The following CDH8 variants were observed in gnomAD, a reference collection of about 807,000 sequenced individuals.
CDH8 encodes the protein cadherin-8.
In CDH8, 17 loss-of-function variants were observed where a neutral mutation model predicts 68.1. That is an observed-to-expected ratio of 0.25 (90% CI 0.17 to 0.37). The LOEUF is 0.37. Among genes scored for constraint, CDH8 ranks in the 10% least tolerant of loss-of-function variants. The pLI is 1.00. For missense variants in CDH8, 763 were observed against 999.3 expected (o/e 0.76, Z 3.19); for synonymous variants, 372 against 365.1 (o/e 1.02, Z -0.21).
intron 2 of CDH8, among the ~76,000 whole-genome samples, chr16:61,912,321 T>C (rs1196995960): frequency 2.0e-5 from 3 of 152,154 alleles, no homozygotes; most frequent in African/African-American, 7.2e-5. Context: ...TCAAAATGCT[T>C]GATTTTAACT....
chr16:61,841,694 T>G (rs1962687100), intron 4 of CDH8, among the ~76,000 whole-genome samples: 1 of 152,154 alleles, frequency 6.6e-6, no homozygotes, highest in Admixed American at 6.5e-5. Flanking sequence ...ACTCAAAGGA[T>G]AAATGCTTGA....
At chr16:61,835,542 T>A (rs1962551768) in intron 4 of CDH8, among the ~76,000 whole-genome samples, 1 of 151,938 alleles carries the variant, frequency 6.6e-6, no homozygotes, top group South Asian at 2.1e-4. Context: ...AGTACCAACA[T>A]ATGGCTAGCC....
intron 7 of CDH8, among the ~76,000 whole-genome samples, chr16:61,793,873 G>T (rs1210472049): frequency 6.6e-6 from 1 of 151,958 alleles, no homozygotes; most frequent in African/African-American, 2.4e-5. Flanking sequence ...CCCACTAACA[G>T]AAGAAATTAA....
chr16:61,712,701 G>A (rs1225950212), intron 10 of CDH8, among the ~76,000 whole-genome samples: 4 of 151,524 alleles, frequency 2.6e-5, no homozygotes, highest in Non-Finnish European at 4.4e-5. Context: ...AAAGGGTTTT[G>A]TCTCCTCAGT....
chr16:61,658,320 A>G (rs1963491714), intron 10 of CDH8, among the ~76,000 whole-genome samples: 1 of 151,946 alleles, frequency 6.6e-6, no homozygotes, highest in African/African-American at 2.4e-5. Flanking sequence ...ATGCCTTTTC[A>G]TTTCATTTAA....
At chr16:61,682,784 T>A (rs1254560973) in intron 10 of CDH8, among the ~76,000 whole-genome samples, 1 of 151,978 alleles carries the variant, frequency 6.6e-6, no homozygotes, top group Non-Finnish European at 1.5e-5. Context: ...CAATTGCCCC[T>A]CCGTGTGCAG....
chr16:61,866,936 C>T (rs1288287932), intron 3 of CDH8, among the ~76,000 whole-genome samples: 2 of 152,028 alleles, frequency 1.3e-5, no homozygotes, highest in African/African-American at 4.8e-5. Flanking sequence ...AGTGGCTGTT[C>T]GTTTTTTTTG....
At chr16:61,882,848 C>A (rs879494005) in intron 3 of CDH8, among the ~76,000 whole-genome samples, 2 of 152,134 alleles carry the variant, frequency 1.3e-5, no homozygotes, top group African/African-American at 2.4e-5. Context: ...TGTAACAAAC[C>A]TGCACATCTT....
chr16:61,722,489 A>G (rs958260084), intron 9 of CDH8, among the ~76,000 whole-genome samples: 1 of 150,834 alleles, frequency 6.6e-6, no homozygotes, highest in African/African-American at 2.4e-5. Context: ...ACCCTTTCAC[A>G]TTGTTTCTTC....
chr16:61,909,955 C>T (rs990027509), intron 2 of CDH8, among the ~76,000 whole-genome samples: 6 of 152,148 alleles, frequency 3.9e-5, no homozygotes, highest in African/African-American at 1.4e-4. Flanking sequence ...GTCTGGACCG[C>T]AGTTTTACGG....
At chr16:61,846,367 T>G (rs544563815) in intron 4 of CDH8, among the ~76,000 whole-genome samples, 142 of 152,244 alleles carry the variant, frequency 9.3e-4, no homozygotes, top group Non-Finnish European at 1.6e-3. Context: ...TTCTTTAACC[T>G]CCATCAAGTC....
intron 6 of CDH8, 75 bp from the exon 7 acceptor site, chr16:61,817,807 T>C (rs376433922): frequency 1.4e-6 from 2 of 1,426,356 alleles, no homozygotes; most frequent in South Asian, 1.4e-5. Context: ...ATAATGCTGA[T>C]GGATGAAAGT....
intron 3 of CDH8, among the ~76,000 whole-genome samples, chr16:61,873,408 A>G (rs1003007289): frequency 6.6e-6 from 1 of 152,198 alleles, no homozygotes; most frequent in Non-Finnish European, 1.5e-5. Context: ...CTGGTTCAAC[A>G]TAAGGATTCC....
chr16:61,744,778 T>G (rs1959971581), intron 8 of CDH8, among the ~76,000 whole-genome samples: 1 of 150,386 alleles, frequency 6.6e-6, no homozygotes, highest in Non-Finnish European at 1.5e-5. Flanking sequence ...ATATCTTAAA[T>G]AATGTATCAA....
intron 2 of CDH8, among the ~76,000 whole-genome samples, chr16:61,969,404 T>G (rs1567550361): frequency 6.6e-6 from 1 of 152,216 alleles, no homozygotes; most frequent in Non-Finnish European, 1.5e-5. Flanking sequence ...TCTTGAATAG[T>G]GCTTACATTT....
At chr16:61,927,623 CTG>C (rs1296058759) in intron 2 of CDH8, among the ~76,000 whole-genome samples, 1 of 152,132 alleles carries the variant, frequency 6.6e-6, no homozygotes, top group Non-Finnish European at 1.5e-5. Context: ...ACTAGGCTTT[CTG>C]TGTTATTCAA....
At chr16:61,741,621 T>C (rs1959873983) in intron 8 of CDH8, among the ~76,000 whole-genome samples, 1 of 152,152 alleles carries the variant, frequency 6.6e-6, no homozygotes, top group Admixed American at 6.5e-5. Flanking sequence ...TCCACATTAT[T>C]GCTATTTCCC....
rs1045503031 is a variant in CDH8 at position 61,652,300 on chromosome 16, A to G, written c.*1308T>C. Reference sequence around the variant, plus strand: ...TGCTAAAAACGTAAACAGTGAAATTATGTACAAATCAGTTCCTGCTCTAAA... The same window carrying G: ...TGCTAAAAACGTAAACAGTGAAATTGTGTACAAATCAGTTCCTGCTCTAAA... On this transcript the variant is annotated 3_prime_UTR_variant, in exon 12 of 12. Coordinates refer to ENST00000577390, the MANE Select transcript of CDH8 (RefSeq NM_001796.5). 1.0e-6 allele frequency: 1 copy of G among 985,112 alleles called. No individual in the cohort carries two copies. The highest frequency in any genetic ancestry group is 1.7e-5 in the African/African-American group (1 of 57,234). 61.0% of individuals were successfully genotyped at this position (985,112 alleles called of 1,614,324 possible).
intron 8 of CDH8, among the ~76,000 whole-genome samples, chr16:61,732,150 A>C (rs1383264452): frequency 6.6e-6 from 1 of 151,688 alleles, no homozygotes; most frequent in African/African-American, 2.4e-5. Context: ...TATATGCATA[A>C]TAGTAATGAG....
Sources: allele counts gnomAD v4.1 joint callset (sites outside exome capture counted in the v4.1 genomes callset), GRCh38; gene constraint gnomAD v4.1.1; transcripts MANE v1.5; gene names NCBI Gene and HGNC (gene_info 2026-07-23, HGNC 2026-07-21).